Variants in TNFSF8 observed in about 807,000 individuals in gnomAD.
TNFSF8 encodes TNF superfamily member 8, also known as tumor necrosis factor ligand superfamily member 8.
TNFSF8 carries 4 observed loss-of-function variants against 22.0 expected under a neutral mutation model. The observed-to-expected ratio is 0.18, with a 90% CI of 0.09 to 0.42. The LOEUF (loss-of-function observed/expected upper bound fraction) is 0.42, where lower values mean the gene tolerates loss of function less well. Ranked by LOEUF, TNFSF8 falls within the 10% of genes least tolerant of loss-of-function variation. The pLI, the probability that TNFSF8 is intolerant of heterozygous loss-of-function variation, is 1.00. For missense variants in TNFSF8, 233 were observed against 281.8 expected (o/e 0.83, Z 1.24); for synonymous variants, 106 against 112.5 (o/e 0.94, Z 0.37).
At chr9:114,908,355 A>G (rs1015742094) in intron 2 of TNFSF8, among the ~76,000 whole-genome samples, 3 of 152,222 alleles carry the variant, frequency 2.0e-5, no homozygotes, top group Admixed American at 6.5e-5. Context: ...GAGGGCTAGA[A>G]TAACACAGGG....
Position 114,902,037 on chromosome 9 carries a change from A to G in TNFSF8, c.*1894T>C, listed in dbSNP as rs1827722317. The G allele has an allele frequency of 1.0e-6, 1 of 985,276 alleles. No individual in the cohort carries two copies. The allele number at this position is 985,276 out of a possible 1,614,324, so 61.0% of individuals were successfully genotyped here. A position where few individuals can be genotyped will look rare whatever the true frequency, so the allele number is the denominator to read the frequency against. ...CAAATTTTGCTCCATGTTTTGGTATAGCAGGGAAGCTTCCATCTTTTTTTA... is the reference window on the plus strand; with the variant it reads ...CAAATTTTGCTCCATGTTTTGGTATGGCAGGGAAGCTTCCATCTTTTTTTA... On this transcript the variant is annotated 3_prime_UTR_variant, in exon 4 of 4. Transcript: ENST00000223795.
chr9:114,930,330 A>G lies in TNFSF8; in HGVS notation c.-27T>C, dbSNP rs894244838. 1 of 1,444,874 alleles carries G rather than the reference A, an allele frequency of 6.9e-7. No individual in the cohort carries two copies. Among genetic ancestry groups the G allele is most frequent in the African/African-American group, 1.5e-5 (1 of 68,258 alleles). The allele number at this position is 1,444,874 out of a possible 1,614,324, so 89.5% of individuals were successfully genotyped here. A position where few individuals can be genotyped will look rare whatever the true frequency, so the allele number is the denominator to read the frequency against. On this transcript the variant is annotated 5_prime_UTR_variant, in exon 1 of 4. Coordinates refer to ENST00000223795, the MANE Select transcript of TNFSF8 (RefSeq NM_001244.4). ...CTTTATATAGTCTTCCCCACATCAC[A>G]CCTTATCTCTCTTCATCTGATTCAG...
At chr9:114,910,348 G>T (rs535927836) in intron 2 of TNFSF8, among the ~76,000 whole-genome samples, 1 of 152,172 alleles carries the variant, frequency 6.6e-6, no homozygotes, top group Non-Finnish European at 1.5e-5. Context: ...GACAGAAAGG[G>T]TCACTAAATG....
intron 2 of TNFSF8, among the ~76,000 whole-genome samples, chr9:114,917,772 C>A (rs1827937446): frequency 6.6e-6 from 1 of 152,180 alleles, no homozygotes; most frequent in East Asian, 1.9e-4. Context: ...GAAGTCAAGC[C>A]AAGATTCATT....
At chr9:114,926,326 A>G (rs891898184) in intron 1 of TNFSF8, among the ~76,000 whole-genome samples, 10 of 152,144 alleles carry the variant, frequency 6.6e-5, no homozygotes, top group Non-Finnish European at 1.3e-4. Context: ...GCTACTCGGG[A>G]GACTGAGGCA....
At chr9:114,913,720 AT>A (rs1296648620) in intron 2 of TNFSF8, among the ~76,000 whole-genome samples, 1 of 152,180 alleles carries the variant, frequency 6.6e-6, no homozygotes, top group Non-Finnish European at 1.5e-5. Flanking sequence ...CAGCTCTGAA[AT>A]TTTAGGCAAG....
intron 1 of TNFSF8, among the ~76,000 whole-genome samples, chr9:114,924,549 G>T (rs1828033425): frequency 6.6e-6 from 1 of 152,134 alleles, no homozygotes; most frequent in South Asian, 2.1e-4. Flanking sequence ...TCCTTATATA[G>T]AGAGAGCAAA....
chr9:114,922,443 G>C (rs542113921), intron 1 of TNFSF8, among the ~76,000 whole-genome samples: 1 of 152,100 alleles, frequency 6.6e-6, no homozygotes, highest in Non-Finnish European at 1.5e-5. Flanking sequence ...ACTTAATGAG[G>C]GTTACTCTAC....
chr9:114,921,713 A>C (rs1827989539), intron 1 of TNFSF8, among the ~76,000 whole-genome samples: 1 of 152,192 alleles, frequency 6.6e-6, no homozygotes, highest in East Asian at 1.9e-4. Flanking sequence ...AATGTGAACT[A>C]TCTTGCTCAA....
At chr9:114,929,287 A>T (rs751078565) in intron 1 of TNFSF8, among the ~76,000 whole-genome samples, 1 of 152,018 alleles carries the variant, frequency 6.6e-6, no homozygotes, top group African/African-American at 2.4e-5. Context: ...ACGATTGCTT[A>T]GTATTGTGAG....
At chr9:114,895,896 T>C (rs1289399781) in intron 4 of TNFSF8, among the ~76,000 whole-genome samples, 1 of 152,224 alleles carries the variant, frequency 6.6e-6, no homozygotes, top group Non-Finnish European at 1.5e-5. Context: ...GCTTTCAACA[T>C]GTTGTCCAGA....
rs1243459034 is a variant in TNFSF8 at position 114,901,846 on chromosome 9, A to T, written c.*2085T>A. On this transcript the variant is annotated 3_prime_UTR_variant, in exon 4 of 4. Coordinates refer to ENST00000223795, the MANE Select transcript of TNFSF8 (RefSeq NM_001244.4). The stretch of plus-strand genomic sequence containing the variant: ...GTTGACACAGCACACTGCTCAGCAG[A>T]TGACTTAAAATTTTCCCTTAGCCAT... 3.2e-6 allele frequency: 3 copies of T among 947,056 alleles called. No homozygotes were observed. In the African/African-American group the frequency reaches 5.3e-5, roughly 17 times the overall value. 58.7% of individuals were successfully genotyped at this position (947,056 alleles called of 1,614,324 possible).
In TNFSF8 at chr9:114,928,996, A is replaced by T. The variant is rs150316498; in HGVS notation, c.195+1113T>A. On this transcript the variant is annotated intron_variant, in intron 1 of 3. Coordinates refer to ENST00000223795, the MANE Select transcript of TNFSF8 (RefSeq NM_001244.4). ...AATACCACGAAAAGTAGGCACTATGAAGTAAGAAACAGAAATATTCTCACT... is the reference window on the plus strand; with the variant it reads ...AATACCACGAAAAGTAGGCACTATGTAGTAAGAAACAGAAATATTCTCACT... 3.0e-3 allele frequency among the ~76,000 whole-genome samples: 462 copies of T among 152,336 alleles called. 3 individuals carry two copies. The highest frequency in any genetic ancestry group is 0.01 in the African/African-American group (434 of 41,574).
chr9:114,917,931 T>C (rs1304724661), intron 2 of TNFSF8, among the ~76,000 whole-genome samples, 165 bp downstream of exon 2: 2 of 152,192 alleles, frequency 1.3e-5, no homozygotes, highest in Non-Finnish European at 2.9e-5. Context: ...CTAAGATGAA[T>C]TCAGGTGCAT....
intron 1 of TNFSF8, among the ~76,000 whole-genome samples, chr9:114,924,681 G>T (rs896538821): frequency 2.0e-5 from 3 of 152,170 alleles, no homozygotes; most frequent in Non-Finnish European, 4.4e-5. Flanking sequence ...CATGACTGTT[G>T]TAATTCTTGG....
chr9:114,898,951 A>G (rs1237503950), downstream of TNFSF8, among the ~76,000 whole-genome samples: 4 of 152,138 alleles, frequency 2.6e-5, no homozygotes. Context: ...GGAAACCACT[A>G]CAATCAGGAA....
At position 114,914,495 on chromosome 9, in the gene TNFSF8, G is replaced by A. The variant is rs143553421; in HGVS notation, c.238+3601C>T. Among the ~76,000 whole-genome samples, 9 of 152,324 alleles carry A rather than the reference G, an allele frequency of 5.9e-5. No individual in the cohort carries two copies. In the East Asian group the frequency reaches 1.7e-3, roughly 29 times the overall value. On this transcript the variant is annotated intron_variant, in intron 2 of 3. Transcript: ENST00000223795. ...GGTGGAAGCAGAAAAGTGAAACAAG[G>A]AGTGATGAGGAGAAGGATGAGCTTC...
In TNFSF8 at chr9:114,902,656, C is replaced by G. The variant is rs1048014863; in HGVS notation, c.*1275G>C. ...TGAGATGAGATGCAGTCAGGTGTTACTAGTGTCTTCAATTATATACTGGGG... is the reference window on the plus strand; with the variant it reads ...TGAGATGAGATGCAGTCAGGTGTTAGTAGTGTCTTCAATTATATACTGGGG... On this transcript the variant is annotated 3_prime_UTR_variant, in exon 4 of 4. Coordinates refer to ENST00000223795, the MANE Select transcript of TNFSF8 (RefSeq NM_001244.4). 1 of 985,250 alleles carries G rather than the reference C, an allele frequency of 1.0e-6. No homozygotes were observed. Among genetic ancestry groups the G allele is most frequent in the African/African-American group, 1.7e-5 (1 of 57,222 alleles). The allele number at this position is 985,250 out of a possible 1,614,324, so 61.0% of individuals were successfully genotyped here.
At position 114,893,971 on chromosome 9, in the gene TNFSF8, G is replaced by A. The variant is rs74686266; in HGVS notation, c.*108C>T. On this transcript the variant is annotated 3_prime_UTR_variant, in exon 5 of 5. Transcript: ENST00000618336. Reference sequence around the variant, plus strand: ...GGGTGAACCGTTTCCTGGCTATGTCGGTTTAGGCCCAGAGTGACTGGTACC... The same window carrying A: ...GGGTGAACCGTTTCCTGGCTATGTCAGTTTAGGCCCAGAGTGACTGGTACC... 5.2e-4 allele frequency: 461 copies of A among 881,792 alleles called. No individual in the cohort carries two copies. The African/African-American group carries it at 7.0e-3, about 13-fold the overall frequency. The allele number at this position is 881,792 out of a possible 1,614,324, so 54.6% of individuals were successfully genotyped here.
Sources: gnomAD v4.1 joint callset for allele counts (sites outside exome capture counted in the v4.1 genomes callset) on GRCh38, gnomAD v4.1.1 for gene constraint, MANE v1.5 for transcripts, NCBI Gene and HGNC (gene_info 2026-07-23, HGNC 2026-07-21) for gene names.